PALS1: variants seen among roughly 807,000 people sequenced by gnomAD.
PALS1 encodes protein PALS1.
PALS1 carries 31 observed loss-of-function variants against 78.9 expected under a neutral mutation model. The ratio of observed to expected loss-of-function variants is 0.39; its 90% CI spans 0.30 to 0.53. The LOEUF is 0.53. Ranked by LOEUF, PALS1 falls within the 20% of genes least tolerant of loss-of-function variation. PALS1 has a pLI of 0.67. For missense variants in PALS1, 704 were observed against 826.5 expected, an observed-to-expected ratio of 0.85 and a Z score of 1.82; for synonymous variants, 276 against 270.9, an observed-to-expected ratio of 1.02 and a Z score of -0.18.
chr14:67,264,558 G>T lies in PALS1; in HGVS notation c.-236-5143G>T, dbSNP rs148043583. On this transcript the variant is annotated intron_variant, in intron 1 of 14. Transcript: ENST00000261681. ...TTGAGTTGATTTTTGTACCGTAAAT[G>T]GTATGAGTAAAGGTCCATTTTCATT... Among the ~76,000 whole-genome samples the T allele has an allele frequency of 4.6e-3, 703 of 152,158 alleles. 5 individuals are homozygous for T. The highest frequency in any genetic ancestry group is 0.016 in the African/African-American group (670 of 41,508).
chr14:67,248,534 A>G (rs1332726204), intron 1 of PALS1, among the ~76,000 whole-genome samples: 1 of 152,132 alleles, frequency 6.6e-6, no homozygotes, highest in African/African-American at 2.4e-5. Context: ...TGTCTCATAT[A>G]ATTTTATAGT....
intron 3 of PALS1, among the ~76,000 whole-genome samples, chr14:67,281,810 A>ATT (rs11411680): frequency 4.0e-4 from 59 of 146,944 alleles, no homozygotes; most frequent in East Asian, 2.7e-3. Context: ...ATTTCTCTTA[A>ATT]TTTTTTTTTT....
chr14:67,303,438 C>A, intron 7 of PALS1, 84 bp from the exon 8 acceptor site: 1 of 1,075,184 alleles, frequency 9.3e-7, no homozygotes, highest in Admixed American at 1.8e-5. Context: ...TGAAATAGTC[C>A]AGTTTAGGGA....
intron 14 of PALS1, among the ~76,000 whole-genome samples, chr14:67,329,876 A>AAAT: frequency 1.1e-5 from 1 of 88,924 alleles, no homozygotes; most frequent in Non-Finnish European, 1.7e-5. Context: ...ATAAATAAAT[A>AAAT]AATAGATATA....
chr14:67,251,313 G>A (rs899071854), intron 1 of PALS1, among the ~76,000 whole-genome samples: 6 of 152,136 alleles, frequency 3.9e-5, no homozygotes, highest in African/African-American at 1.2e-4. Context: ...CAGGAGGACC[G>A]CTTGAGCCCA....
chr14:67,269,474 A>G (rs2140568252), intron 1 of PALS1, among the ~76,000 whole-genome samples: 1 of 152,238 alleles, frequency 6.6e-6, no homozygotes, highest in East Asian at 1.9e-4. Flanking sequence ...GAAAGTTTCC[A>G]TTTGACATTC....
rs1452367074 is a variant in PALS1 at position 67,241,453 on chromosome 14, C to T, written c.-317C>T. 1 of 152,308 alleles carries T rather than the reference C, an allele frequency of 6.6e-6. No individual in the cohort carries two copies. Among genetic ancestry groups the T allele is most frequent in the East Asian group, 1.9e-4 (1 of 5,202 alleles). The allele number at this position is 152,308 out of a possible 1,614,324, so 9.4% of individuals were successfully genotyped here. On this transcript the variant is annotated 5_prime_UTR_variant, in exon 1 of 15. Coordinates refer to ENST00000261681, the MANE Select transcript of PALS1 (RefSeq NM_022474.4). ...TTTCTGGATTCTTTATCCGGAATTTCAAGGGCCGCCGGAGGGCTGTCGCTT... is the reference window on the plus strand; with the variant it reads ...TTTCTGGATTCTTTATCCGGAATTTTAAGGGCCGCCGGAGGGCTGTCGCTT...
chr14:67,325,273 C>CT (rs1410010483), intron 14 of PALS1, among the ~76,000 whole-genome samples: 1 of 152,100 alleles, frequency 6.6e-6, no homozygotes, highest in Admixed American at 6.5e-5. Context: ...TCCAAAATAT[C>CT]TTTTTTCACT....
At chr14:67,291,045 T>G (rs896919498) in intron 3 of PALS1, among the ~76,000 whole-genome samples, 5 of 152,120 alleles carry the variant, frequency 3.3e-5, no homozygotes, top group African/African-American at 9.7e-5. Context: ...ATAGAAACAG[T>G]GAAAGAAATC....
At chr14:67,288,693 C>T (rs914887170) in intron 3 of PALS1, among the ~76,000 whole-genome samples, 5 of 151,988 alleles carry the variant, frequency 3.3e-5, no homozygotes, top group Non-Finnish European at 7.4e-5. Context: ...TATTTAATCT[C>T]TTAGGGAATT....
At chr14:67,275,755 CT>C (rs2084492960) in intron 2 of PALS1, among the ~76,000 whole-genome samples, 1 of 152,038 alleles carries the variant, frequency 6.6e-6, no homozygotes, top group African/African-American at 2.4e-5. Context: ...TGGTCCTGGA[CT>C]TTTTTTGGTT....
At chr14:67,323,937 T>A (rs557175296) in intron 14 of PALS1, 125 bp downstream of exon 14, 4 of 570,044 alleles carry the variant, frequency 7.0e-6, no homozygotes, top group Non-Finnish European at 1.2e-5. Flanking sequence ...TTTTCTGTAA[T>A]ATTACTTGCC....
chr14:67,261,026 C>T (rs777363129), intron 1 of PALS1, among the ~76,000 whole-genome samples: 1 of 152,136 alleles, frequency 6.6e-6, no homozygotes, highest in Non-Finnish European at 1.5e-5. Flanking sequence ...TAGCTTTTGA[C>T]ATTGGACAAG....
chr14:67,328,658 G>A (rs1480048144), intron 14 of PALS1, among the ~76,000 whole-genome samples: 1 of 152,152 alleles, frequency 6.6e-6, no homozygotes, highest in African/African-American at 2.4e-5. Flanking sequence ...TTTTGTATAA[G>A]GTGTAAGGAA....
chr14:67,253,484 C>A (rs2084095416), intron 1 of PALS1, among the ~76,000 whole-genome samples: 1 of 152,126 alleles, frequency 6.6e-6, no homozygotes. Context: ...CTATTTGACT[C>A]AAGAATTACT....
intron 2 of PALS1, among the ~76,000 whole-genome samples, chr14:67,275,519 T>G (rs566105326): frequency 1.3e-5 from 2 of 152,362 alleles, no homozygotes; most frequent in Non-Finnish European, 2.9e-5. Context: ...GGATTTGGTT[T>G]GCCAGTATTT....
chr14:67,332,882 T>TATCA lies in PALS1; in HGVS notation c.1955_1958dup (p.Glu654SerfsTer5). ...TGTGAATTCCGATCTTGATAAAGCC[T>TATCA]ATCAGGAATTGCTTAGGTTAATTAA... On this transcript the variant is annotated frameshift_variant, in exon 15 of 15. Coordinates refer to ENST00000261681, the MANE Select transcript of PALS1 (RefSeq NM_022474.4). LOFTEE classifies it high-confidence loss of function. The TATCA allele has an allele frequency of 6.2e-7, 1 of 1,614,086 alleles. No homozygotes were observed. Among genetic ancestry groups the TATCA allele is most frequent in the Non-Finnish European group, 8.5e-7 (1 of 1,179,928 alleles).
chr14:67,296,571 G>T, intron 4 of PALS1, among the ~76,000 whole-genome samples: 1 of 108,340 alleles, frequency 9.2e-6, no homozygotes, highest in African/African-American at 3.5e-5. Context: ...GGGCAACAGA[G>T]TGAAACTCTG....
chr14:67,319,656 A>G (rs959659054), intron 11 of PALS1, among the ~76,000 whole-genome samples: 2 of 152,114 alleles, frequency 1.3e-5, no homozygotes, highest in Non-Finnish European at 2.9e-5. Flanking sequence ...CAGTGTTTTA[A>G]GAAAGTTTAC....
Sources: allele counts gnomAD v4.1 joint callset (sites outside exome capture counted in the v4.1 genomes callset), GRCh38; gene constraint gnomAD v4.1.1; transcripts MANE v1.5; gene names NCBI Gene and HGNC (gene_info 2026-07-23, HGNC 2026-07-21).